Variants in ERBB4 observed in about 807,000 individuals in gnomAD.
ERBB4 encodes the protein erb-b2 receptor tyrosine kinase 4, also known as receptor tyrosine-protein kinase erbB-4.
ERBB4 carries 42 observed loss-of-function variants against 158.0 expected under a neutral mutation model. That is an observed-to-expected ratio of 0.27 (90% CI 0.21 to 0.34). ERBB4 has a LOEUF of 0.34. Ranked by LOEUF, ERBB4 falls within the 10% of genes least tolerant of loss-of-function variation. The probability of loss-of-function intolerance (pLI) is 1.00; values close to 1 mark genes in which losing one functional copy is unlikely to be tolerated. For missense variants in ERBB4, 1,333 were observed against 1,624.1 expected (o/e 0.82, Z 3.08); for synonymous variants, 583 against 558.7 (o/e 1.04, Z -0.61).
At chr2:211,548,657 C>T (rs184907665) in intron 20 of ERBB4, among the ~76,000 whole-genome samples, 2 of 151,904 alleles carry the variant, frequency 1.3e-5, no homozygotes, top group Admixed American at 1.3e-4. Context: ...GCTCTGACAC[C>T]AAGAACCGTG....
intron 4 of ERBB4, among the ~76,000 whole-genome samples, chr2:211,770,677 A>C (rs1163141863): frequency 6.6e-6 from 1 of 152,150 alleles, no homozygotes; most frequent in Non-Finnish European, 1.5e-5. Flanking sequence ...AGATATTTTG[A>C]TCACTTCAGC....
chr2:212,055,751 G>A (rs1467911073), intron 2 of ERBB4, among the ~76,000 whole-genome samples: 7 of 152,160 alleles, frequency 4.6e-5, no homozygotes, highest in Non-Finnish European at 1.0e-4. Flanking sequence ...CAAACAAAAA[G>A]GACATCCACA....
intron 20 of ERBB4, among the ~76,000 whole-genome samples, chr2:211,505,956 T>C (rs1225936917): frequency 2.8e-5 from 2 of 72,410 alleles, no homozygotes; most frequent in Non-Finnish European, 5.4e-5. Context: ...CGAGACTCCA[T>C]CTCAAAAAAA....
chr2:211,498,193 C>A (rs780649130), intron 20 of ERBB4, among the ~76,000 whole-genome samples: 2 of 152,060 alleles, frequency 1.3e-5, no homozygotes, highest in Non-Finnish European at 2.9e-5. Flanking sequence ...ATGTTGACTT[C>A]TTTCAACCTA....
intron 1 of ERBB4, among the ~76,000 whole-genome samples, chr2:212,327,638 A>G (rs111803073): frequency 4.6e-5 from 7 of 152,026 alleles, no homozygotes; most frequent in African/African-American, 1.7e-4. Context: ...GGGTCTGGGG[A>G]AGAGGAAGTA....
intron 7 of ERBB4, among the ~76,000 whole-genome samples, chr2:211,714,988 A>G (rs1342954499): frequency 1.3e-5 from 2 of 152,128 alleles, no homozygotes; most frequent in African/African-American, 4.8e-5. Flanking sequence ...CACAAAATAG[A>G]CTAGGTATGT....
chr2:211,811,190 C>T (rs2076747256), intron 3 of ERBB4, among the ~76,000 whole-genome samples: 1 of 152,192 alleles, frequency 6.6e-6, no homozygotes, highest in Admixed American at 6.5e-5. Context: ...CCTTCAGGAG[C>T]TCTTGTAAGA....
intron 1 of ERBB4, among the ~76,000 whole-genome samples, chr2:212,521,527 C>G (rs550386572): frequency 6.6e-6 from 1 of 151,916 alleles, no homozygotes; most frequent in African/African-American, 2.4e-5. Context: ...CGTTTTCTAA[C>G]TTTAAATTTA....
At chr2:212,316,157 A>G (rs938409651) in intron 1 of ERBB4, among the ~76,000 whole-genome samples, 2 of 151,406 alleles carry the variant, frequency 1.3e-5, no homozygotes, top group African/African-American at 4.8e-5. Flanking sequence ...TTTCCTATGT[A>G]TCTTTTACTA....
intron 3 of ERBB4, among the ~76,000 whole-genome samples, chr2:211,861,313 A>T (rs1170712294): frequency 1.5e-5 from 2 of 134,008 alleles, no homozygotes; most frequent in African/African-American, 5.6e-5. Context: ...AATTCATGCC[A>T]TCAGTCCAGG....
At chr2:211,554,656 C>A (rs1574737885) in intron 20 of ERBB4, among the ~76,000 whole-genome samples, 1 of 152,182 alleles carries the variant, frequency 6.6e-6, no homozygotes, top group South Asian at 2.1e-4. Flanking sequence ...AGGATCTGTG[C>A]TGTTTTCCAC....
At chr2:211,914,501 T>C (rs1205371352) in intron 3 of ERBB4, among the ~76,000 whole-genome samples, 1 of 152,094 alleles carries the variant, frequency 6.6e-6, no homozygotes, top group African/African-American at 2.4e-5. Flanking sequence ...TCATTAAACA[T>C]TTACCAAATA....
At chr2:211,800,218 T>C (rs2076469010) in intron 3 of ERBB4, among the ~76,000 whole-genome samples, 2 of 152,172 alleles carry the variant, frequency 1.3e-5, no homozygotes, top group Non-Finnish European at 1.5e-5. Flanking sequence ...GCCACCTCAC[T>C]GTACACTCTT....
chr2:211,669,356 T>A (rs928793930), intron 14 of ERBB4, among the ~76,000 whole-genome samples: 2 of 152,106 alleles, frequency 1.3e-5, no homozygotes, highest in Non-Finnish European at 2.9e-5. Flanking sequence ...ACAACCTTTA[T>A]TAACCTAAAT....
intron 1 of ERBB4, among the ~76,000 whole-genome samples, chr2:212,423,931 CA>C (rs1409049105): frequency 1.3e-5 from 2 of 152,142 alleles, no homozygotes; most frequent in East Asian, 3.9e-4. Context: ...CCCAAATTCC[CA>C]AAAGTTTATT....
intron 20 of ERBB4, among the ~76,000 whole-genome samples, chr2:211,457,883 GAACCGCTGGTC>G (rs1260049500): frequency 1.3e-5 from 2 of 152,146 alleles, no homozygotes; most frequent in Admixed American, 6.5e-5. Flanking sequence ...CAGGTTAGAG[GAACCGCTGGTC>G]CACTGTGGGT....
In ERBB4 at chr2:211,725,133, G is replaced by A. The variant is rs2106131854; in HGVS notation, c.684C>T (p.Asp228=). The part of the protein sequence containing the change: ...DGRCYGPYVS[D]CCHRECAGGC... ...CTCCAGCACATTCTCGATGGCAGCAGTCACTGACGTAAGGTCCGTAGCATC... is the reference window on the plus strand; with the variant it reads ...CTCCAGCACATTCTCGATGGCAGCAATCACTGACGTAAGGTCCGTAGCATC... The change falls in exon 6 of 28, where the codon GAC becomes GAT. Residue 228 remains aspartate, a synonymous_variant. Coordinates refer to ENST00000342788, the MANE Select transcript of ERBB4 (RefSeq NM_005235.3). 1 of 1,614,120 alleles carries A rather than the reference G, an allele frequency of 6.2e-7. No individual in the cohort carries two copies. Among genetic ancestry groups the A allele is most frequent in the Non-Finnish European group, 8.5e-7 (1 of 1,180,010 alleles).
At chr2:212,283,807 G>T (rs538670801) in intron 1 of ERBB4, among the ~76,000 whole-genome samples, 1 of 152,120 alleles carries the variant, frequency 6.6e-6, no homozygotes, top group South Asian at 2.1e-4. Flanking sequence ...ACATACCACA[G>T]TGAAGAGTTG....
chr2:212,532,953 G>A (rs984474195), intron 1 of ERBB4, among the ~76,000 whole-genome samples: 2 of 152,224 alleles, frequency 1.3e-5, no homozygotes, highest in South Asian at 4.1e-4. Flanking sequence ...TGAAAAGTTT[G>A]TATAAATATA....
Sources: allele counts gnomAD v4.1 joint callset (sites outside exome capture counted in the v4.1 genomes callset), GRCh38; gene constraint gnomAD v4.1.1; transcripts MANE v1.5; gene names NCBI Gene and HGNC (gene_info 2026-07-23, HGNC 2026-07-21).